Variants in ABCC4 observed in about 807,000 individuals in gnomAD.
ABCC4 encodes the protein ATP-binding cassette sub-family C member 4.
Under a neutral mutation model 168.5 loss-of-function variants are expected in ABCC4, and 102 were observed. The observed-to-expected ratio is 0.61, with a 90% CI of 0.52 to 0.71. The LOEUF (loss-of-function observed/expected upper bound fraction) is 0.71, where lower values mean the gene tolerates loss of function less well. Among genes scored for constraint, ABCC4 ranks in the 30% least tolerant of loss-of-function variants. The pLI is 0.00. For missense variants in ABCC4, 1,402 were observed against 1,605.8 expected, an observed-to-expected ratio of 0.87 and a Z score of 2.17; for synonymous variants, 617 against 590.7, an observed-to-expected ratio of 1.04 and a Z score of -0.65.
chr13:95,267,597 A>T (rs114999653), intron 1 of ABCC4, among the ~76,000 whole-genome samples: 2,156 of 152,224 alleles, frequency 0.014, 51 homozygotes, highest in African/African-American at 0.049. Flanking sequence ...AGAAATGAAG[A>T]GTAAGGAGTG....
chr13:95,211,807 G>A (rs114535776), intron 4 of ABCC4, among the ~76,000 whole-genome samples: 9,998 of 152,194 alleles, frequency 0.066, 683 homozygotes, highest in African/African-American at 0.17. Flanking sequence ...TAACAGTCCA[G>A]GCAAAAGGCA....
chr13:95,113,679 T>C (rs1467813386), intron 20 of ABCC4, among the ~76,000 whole-genome samples: 3 of 152,020 alleles, frequency 2.0e-5, no homozygotes, highest in Non-Finnish European at 4.4e-5. Context: ...CTTCCTAATA[T>C]AGCAACAGGC....
chr13:95,236,843 G>A (rs926675530), intron 3 of ABCC4, among the ~76,000 whole-genome samples: 5 of 152,126 alleles, frequency 3.3e-5, no homozygotes, highest in Non-Finnish European at 7.4e-5. Context: ...GTCATAACAC[G>A]GACTGTTTAG....
In ABCC4 at chr13:95,083,328, A is replaced by G. The variant is rs11568690; in HGVS notation, c.2536-38T>C. 5.1e-3 allele frequency: 8,212 copies of G among 1,604,430 alleles called. 287 individuals are homozygous for G. The African/African-American group carries it at 0.09, about 18-fold the overall frequency. Reference sequence around the variant, plus strand: ...AAGTAGATGCAGGTTTTCCTTATCAAGTATTCTTTTCAAAAATACTTGCAT... The same window carrying G: ...AAGTAGATGCAGGTTTTCCTTATCAGGTATTCTTTTCAAAAATACTTGCAT... On this transcript the variant is annotated intron_variant, in intron 20 of 30. Transcript: ENST00000645237.
chr13:95,185,642 C>T (rs2038034183), intron 11 of ABCC4, among the ~76,000 whole-genome samples: 2 of 150,918 alleles, frequency 1.3e-5, no homozygotes, highest in African/African-American at 5.0e-5. Context: ...CTGCACAGGG[C>T]CTGGGGAGAG....
chr13:95,112,559 A>T (rs139516121), intron 20 of ABCC4, among the ~76,000 whole-genome samples: 12 of 152,282 alleles, frequency 7.9e-5, no homozygotes, highest in Non-Finnish European at 1.6e-4. Flanking sequence ...GTTACTATAC[A>T]TCCTGCCAAA....
At chr13:95,149,356 T>C (rs1489461721) in intron 19 of ABCC4, among the ~76,000 whole-genome samples, 3 of 152,194 alleles carry the variant, frequency 2.0e-5, no homozygotes, top group South Asian at 2.1e-4. Context: ...TATTAAACTA[T>C]ACTTGACTCC....
chr13:95,109,046 C>A (rs954493975), intron 20 of ABCC4, among the ~76,000 whole-genome samples: 1 of 152,134 alleles, frequency 6.6e-6, no homozygotes, highest in South Asian at 2.1e-4. Context: ...TGTTTATTGT[C>A]GACCTCCTGC....
intron 19 of ABCC4, among the ~76,000 whole-genome samples, chr13:95,140,516 A>G (rs2036285831): frequency 6.6e-6 from 1 of 152,234 alleles, no homozygotes; most frequent in Admixed American, 6.5e-5. Context: ...CCTTTTATGC[A>G]TTCTCTTAGC....
intron 20 of ABCC4, 59 bp downstream of exon 20, chr13:95,115,863 T>C: frequency 1.4e-6 from 2 of 1,471,436 alleles, no homozygotes; most frequent in Non-Finnish European, 1.9e-6. Context: ...TGAAAAGGGC[T>C]TGAAAAAATA....
Position 95,206,788 on chromosome 13 carries a change from G to T in ABCC4, c.912-7C>A. On this transcript the variant is annotated splice_region_variant and splice_polypyrimidine_tract_variant and intron_variant, in intron 7 of 30. Coordinates refer to ENST00000645237, the MANE Select transcript of ABCC4 (RefSeq NM_005845.5). ...AATCTTGGAAATCTCCTTCCTGAAA[G>T]AGAGTACAGGTTTTTAAAAAAGCAG... 2 of 1,613,734 alleles carry T rather than the reference G, an allele frequency of 1.2e-6. No individual in the cohort carries two copies. Among genetic ancestry groups the T allele is most frequent in the Non-Finnish European group, 1.7e-6 (2 of 1,179,728 alleles).
At chr13:95,202,959 C>A (rs1239700395) in intron 8 of ABCC4, among the ~76,000 whole-genome samples, 1 of 152,156 alleles carries the variant, frequency 6.6e-6, no homozygotes, top group African/African-American at 2.4e-5. Context: ...CGCGCCTGGC[C>A]GCACTTCTGA....
intron 1 of ABCC4, among the ~76,000 whole-genome samples, chr13:95,262,774 A>G (rs2040566055): frequency 6.6e-6 from 1 of 152,016 alleles, no homozygotes; most frequent in East Asian, 1.9e-4. Flanking sequence ...CTGGGATTAC[A>G]GGCACACGCC....
At position 95,074,819 on chromosome 13, in the gene ABCC4, T is replaced by C. The variant is rs532188502; in HGVS notation, c.2807-495A>G. ...TTGCATGTGGTTTTTTGTTTGTTTG[T>C]TTGCTACTTCTTTTTTCCTTTTAGC... On this transcript the variant is annotated intron_variant, in intron 22 of 30. Transcript: ENST00000645237. 1.3e-3 allele frequency among the ~76,000 whole-genome samples: 201 copies of C among 152,290 alleles called. 2 individuals are homozygous for C. Among genetic ancestry groups the C allele is most frequent in the African/African-American group, 4.6e-3 (191 of 41,548 alleles).
chr13:95,058,712 C>T (rs1200136025), intron 26 of ABCC4, among the ~76,000 whole-genome samples: 3 of 151,850 alleles, frequency 2.0e-5, no homozygotes, highest in Non-Finnish European at 2.9e-5. Flanking sequence ...TCTGATTCTA[C>T]TACTTATTAG....
intron 19 of ABCC4, among the ~76,000 whole-genome samples, chr13:95,144,522 C>T (rs2036423566): frequency 6.6e-6 from 1 of 152,104 alleles, no homozygotes; most frequent in Non-Finnish European, 1.5e-5. Context: ...CCCAACAGCT[C>T]CCAGATCTGA....
chr13:95,235,894 T>A (rs1436358059), intron 3 of ABCC4, among the ~76,000 whole-genome samples: 3 of 152,186 alleles, frequency 2.0e-5, no homozygotes, highest in African/African-American at 7.2e-5. Context: ...CATCAGTGGC[T>A]CTCTTTATCA....
In ABCC4 at chr13:95,250,364, T is replaced by C. The variant is rs377458632; in HGVS notation, c.75-2611A>G. On this transcript the variant is annotated intron_variant, in intron 1 of 30. Transcript: ENST00000645237. ...CCTAACTGTCCTACTAGGAGTACAA[T>C]GCTTTCAGGGCAATGACTACTGCCA... Among the ~76,000 whole-genome samples, 14 of 152,160 alleles carry C rather than the reference T, an allele frequency of 9.2e-5. No individual in the cohort carries two copies. The East Asian group carries it at 2.3e-3, about 25-fold the overall frequency.
At chr13:95,177,357 G>C (rs1370176445) in intron 13 of ABCC4, among the ~76,000 whole-genome samples, 1 of 152,102 alleles carries the variant, frequency 6.6e-6, no homozygotes, top group Non-Finnish European at 1.5e-5. Flanking sequence ...TTGAAAAATG[G>C]AGTACCATCT....
Sources: gnomAD v4.1 joint callset for allele counts (sites outside exome capture counted in the v4.1 genomes callset) on GRCh38, gnomAD v4.1.1 for gene constraint, MANE v1.5 for transcripts, NCBI Gene and HGNC (gene_info 2026-07-23, HGNC 2026-07-21) for gene names.